Variants in ABCA9 observed in about 807,000 individuals in gnomAD.
ABCA9 encodes ATP binding cassette subfamily A member 9, also known as ATP-binding cassette sub-family A member 9.
Under a neutral mutation model 205.3 loss-of-function variants are expected in ABCA9, and 183 were observed. The ratio of observed to expected loss-of-function variants is 0.89; its 90% CI spans 0.79 to 1.01. The LOEUF (loss-of-function observed/expected upper bound fraction) is 1.01, where lower values mean the gene tolerates loss of function less well. Ranked by LOEUF, ABCA9 falls within the 50% of genes least tolerant of loss-of-function variation. The probability of loss-of-function intolerance (pLI) is 0.00; values close to 1 mark genes in which losing one functional copy is unlikely to be tolerated. For synonymous variants in ABCA9, 651 were observed against 683.3 expected (o/e 0.95, Z 0.74); for missense variants, 1,805 against 1,912.4 (o/e 0.94, Z 1.05).
chr17:68,976,382 A>G (rs898630569), intron 37 of ABCA9, among the ~76,000 whole-genome samples, 192 bp from the exon 38 acceptor site: 1 of 152,222 alleles, frequency 6.6e-6, no homozygotes, highest in Non-Finnish European at 1.5e-5. Context: ...TTTCATCTAG[A>G]GTATTGGTAG....
intron 36 of ABCA9, 123 bp downstream of exon 36, chr17:68,983,586 G>T: frequency 1.5e-6 from 2 of 1,345,438 alleles, no homozygotes; most frequent in Non-Finnish European, 1.0e-6. Flanking sequence ...TTTCTCTTAA[G>T]TAAAGTACTT....
intron 6 of ABCA9, among the ~76,000 whole-genome samples, chr17:69,039,282 C>A (rs966725643): frequency 3.9e-5 from 6 of 152,132 alleles, no homozygotes; most frequent in African/African-American, 1.4e-4. Context: ...AAGAACAAAG[C>A]TGGAGGCATC....
chr17:69,028,300 G>A (rs1460593661), intron 12 of ABCA9, among the ~76,000 whole-genome samples: 3 of 152,100 alleles, frequency 2.0e-5, no homozygotes, highest in Non-Finnish European at 2.9e-5. Context: ...CTGAGTGGCT[G>A]GGCCTACAGG....
chr17:69,027,655 A>G lies in ABCA9; in HGVS notation c.1776T>C (p.His592=). Reference sequence around the variant, plus strand: ...GCTCACATACCTCTTTCTCCACTTCATGTGGCAAAATCCCTTTTATTTTAG... The same window carrying G: ...GCTCACATACCTCTTTCTCCACTTCGTGTGGCAAAATCCCTTTTATTTTAG... ...LFAKIKGILP[H]EVEKEVQRVV... Residue 592 remains histidine, a synonymous_variant, in exon 13 of 39, where the codon CAT becomes CAC. Transcript: ENST00000340001. 6.2e-7 allele frequency: 1 copy of G among 1,613,312 alleles called. No individual in the cohort carries two copies. Among genetic ancestry groups the G allele is most frequent in the East Asian group, 2.2e-5 (1 of 44,800 alleles).
At chr17:68,998,792 T>C (rs1422791192) in intron 25 of ABCA9, among the ~76,000 whole-genome samples, 5 of 151,926 alleles carry the variant, frequency 3.3e-5, no homozygotes, top group African/African-American at 1.2e-4. Flanking sequence ...AATTCTGAAA[T>C]TGTGCTGATG....
intron 37 of ABCA9, 40 bp downstream of exon 37, chr17:68,982,522 T>C (rs1158269592): frequency 6.8e-7 from 1 of 1,480,746 alleles, no homozygotes; most frequent in East Asian, 2.3e-5. Context: ...TTTAGGCTTA[T>C]CTGTTTCCCA....
chr17:68,983,216 CCTT>C (rs2069119938), intron 36 of ABCA9, among the ~76,000 whole-genome samples: 1 of 151,966 alleles, frequency 6.6e-6, no homozygotes, highest in African/African-American at 2.4e-5. Flanking sequence ...AACTTCTTAT[CCTT>C]CTTCTTAGTG....
At chr17:69,011,286 A>C (rs758743415) in intron 23 of ABCA9, among the ~76,000 whole-genome samples, 3 of 152,178 alleles carry the variant, frequency 2.0e-5, no homozygotes, top group African/African-American at 4.8e-5. Flanking sequence ...CCCCAAAAAA[A>C]GTGTGAGAAA....
chr17:69,026,438 G>A lies in ABCA9; in HGVS notation c.2080C>T (p.Leu694=), dbSNP rs2070988091. 6.2e-7 allele frequency: 1 copy of A among 1,613,738 alleles called. No individual in the cohort carries two copies. Among genetic ancestry groups the A allele is most frequent in the Non-Finnish European group, 8.5e-7 (1 of 1,179,746 alleles). The change falls in exon 16 of 39, where the codon CTG becomes TTG. Residue 694 remains leucine (L), a synonymous_variant. Transcript: ENST00000340001. ...AACAGAGAAGAGCCTGCACACTTCA[G>A]CTTCCCATTGGATATGAACACCTTC... The part of the protein sequence containing the change: ...DRKVFISNGK[L]KCAGSSLFLK...
chr17:69,023,500 T>C lies in ABCA9; in HGVS notation c.2281+714A>G, dbSNP rs2070886748. The stretch of plus-strand genomic sequence containing the variant: ...CAATCTCTGCACTTTATTGTCTGGT[T>C]CTGTGTTTCTTTATGGACCAAGGTT... On this transcript the variant is annotated intron_variant, in intron 17 of 38. Transcript: ENST00000340001. This position sits in a 1 kb window ranked among gnomAD's most constrained non-coding sequence, Gnocchi z 4.2. 6.6e-6 allele frequency among the ~76,000 whole-genome samples: 1 copy of C among 152,214 alleles called. No individual in the cohort carries two copies. The highest frequency in any genetic ancestry group is 2.1e-4 in the South Asian group (1 of 4,830).
chr17:69,021,893 ATATAATT>A (rs1206687271), intron 17 of ABCA9, 32 bp from the exon 18 acceptor site: 2 of 1,335,922 alleles, frequency 1.5e-6, no homozygotes, highest in Non-Finnish European at 2.0e-6. Context: ...GATTATAAGA[ATATAATT>A]TATAATGAGA....
At chr17:69,021,974 T>G in intron 17 of ABCA9, 113 bp from the exon 18 acceptor site, 3 of 822,412 alleles carry the variant, frequency 3.6e-6, no homozygotes, top group Middle Eastern at 7.9e-4. Flanking sequence ...GAAACAAAAT[T>G]GTGATACAGA....
chr17:69,063,971 T>G (rs1005708150), upstream of ABCA9, among the ~76,000 whole-genome samples: 2 of 152,250 alleles, frequency 1.3e-5, no homozygotes, highest in African/African-American at 2.4e-5. Context: ...GCCCTCCACT[T>G]TCATTTGCAA....
the ABCA9 span, among the ~76,000 whole-genome samples, chr17:69,078,024 C>T: frequency 1.3e-5 from 2 of 151,740 alleles, no homozygotes; most frequent in Non-Finnish European, 2.9e-5. Context: ...AAAATTAGCA[C>T]CCCCTGAAAA....
At chr17:69,031,977 T>C in intron 10 of ABCA9, 131 bp downstream of exon 10, 1 of 709,160 alleles carries the variant, frequency 1.4e-6, no homozygotes, top group Non-Finnish European at 2.4e-6. Context: ...TAGCCTTTGA[T>C]GAGTGCAGCA....
intron 6 of ABCA9, among the ~76,000 whole-genome samples, chr17:69,039,400 T>G (rs2071459804): frequency 6.6e-6 from 1 of 151,896 alleles, no homozygotes; most frequent in Admixed American, 6.6e-5. Flanking sequence ...GAAATAACAC[T>G]GCACATCTAT....
At chr17:68,988,677 T>G (rs986914539) in intron 31 of ABCA9, among the ~76,000 whole-genome samples, 4 of 152,220 alleles carry the variant, frequency 2.6e-5, no homozygotes, top group African/African-American at 9.6e-5. Context: ...AGGCAGGAGT[T>G]GTCATTATTC....
At chr17:69,050,339 CACGA>C (rs1261062943) in intron 2 of ABCA9, among the ~76,000 whole-genome samples, 36 of 63,524 alleles carry the variant, frequency 5.7e-4, no homozygotes, top group African/African-American at 1.5e-3. Flanking sequence ...CACACACACA[CACGA>C]ACACACACAC....
At chr17:69,033,634 G>A in intron 9 of ABCA9, 92 bp downstream of exon 9, 2 of 1,122,080 alleles carry the variant, frequency 1.8e-6, no homozygotes, top group East Asian at 2.5e-5. Context: ...TTGAAAAACT[G>A]CTTGCTAATT....
Sources: gnomAD v4.1 joint callset for allele counts (sites outside exome capture counted in the v4.1 genomes callset) on GRCh38, gnomAD v4.1.1 for gene constraint, Gnocchi (gnomAD v3.1) non-coding constraint, MANE v1.5 for transcripts, NCBI Gene and HGNC (gene_info 2026-07-23, HGNC 2026-07-21) for gene names.